ZHX3: variants seen among roughly 807,000 people sequenced by gnomAD.
The protein encoded by ZHX3 is zinc fingers and homeoboxes 3, also known as zinc fingers and homeoboxes protein 3.
In ZHX3, 20 loss-of-function variants were observed where a neutral mutation model predicts 64.5. The ratio of observed to expected loss-of-function variants is 0.31; its 90% CI spans 0.22 to 0.45. The LOEUF (loss-of-function observed/expected upper bound fraction) is 0.45, where lower values mean the gene tolerates loss of function less well. Among genes scored for constraint, ZHX3 ranks in the 20% least tolerant of loss-of-function variants. ZHX3 has a pLI of 1.00. For synonymous variants in ZHX3, 423 were observed against 461.6 expected (o/e 0.92, Z 1.07); for missense variants, 1,041 against 1,195.8 (o/e 0.87, Z 1.91).
At chr20:41,295,725 C>G (rs1383519768) in intron 1 of ZHX3, among the ~76,000 whole-genome samples, 1 of 152,012 alleles carries the variant, frequency 6.6e-6, no homozygotes, top group Non-Finnish European at 1.5e-5. Flanking sequence ...GTAGCGGGCA[C>G]CTGTAGTCCC....
At chr20:41,291,459 CGAA>C (rs1568950652) in intron 1 of ZHX3, among the ~76,000 whole-genome samples, 1 of 152,036 alleles carries the variant, frequency 6.6e-6, no homozygotes, top group Non-Finnish European at 1.5e-5. Context: ...TCTCTTCTAA[CGAA>C]GACGCAGTAA....
rs187619527 is a variant in ZHX3 at position 41,219,086 on chromosome 20, C to A, written c.-150-14020G>T. On this transcript the variant is annotated intron_variant, in intron 2 of 3. Transcript: ENST00000683867. The surrounding 1 kb of genome is among the most constrained non-coding windows in gnomAD (Gnocchi z 5.0). ...CTGGGACTACATGTGTCTGCCACCA[C>A]GCCCAGCTAATTTTTTGTATTTTTA... is the stretch of plus-strand genomic sequence containing the variant. Among the ~76,000 whole-genome samples the A allele has an allele frequency of 1.3e-5, 2 of 152,130 alleles. No individual in the cohort carries two copies. The highest frequency in any genetic ancestry group is 3.9e-4 in the East Asian group (2 of 5,164).
At chr20:41,256,475 C>T (rs1600525792) in intron 2 of ZHX3, among the ~76,000 whole-genome samples, 1 of 152,022 alleles carries the variant, frequency 6.6e-6, no homozygotes, top group East Asian at 1.9e-4. Context: ...TTTTTCCCCT[C>T]ATTTTTAGAA....
intron 1 of ZHX3, among the ~76,000 whole-genome samples, chr20:41,309,302 G>C (rs1227969591): frequency 3.9e-5 from 6 of 152,142 alleles, no homozygotes; most frequent in Non-Finnish European, 7.3e-5. Context: ...CAGGCAATAG[G>C]CTTCCAGATG....
chr20:41,298,971 G>A (rs180711142), intron 1 of ZHX3, among the ~76,000 whole-genome samples: 83 of 151,228 alleles, frequency 5.5e-4, no homozygotes, highest in Middle Eastern at 6.8e-3. Context: ...TGTCCCCTAC[G>A]TAAGATGATG....
rs752259008 is a variant in ZHX3, at chr20:41,202,962, G to A, written c.1955C>T (p.Thr652Ile). ...AAACCAGCTATCAATTTCTCGTCGG[G>A]TCATTTTGGTTTCACTTCTCAGGCG... ...LDRLRSETKM[T>I]RREIDSWFSE... The change falls in exon 3 of 4, where the codon ACC becomes ATC. Residue 652 changes from threonine (T) to isoleucine (I), a missense_variant. Around this residue, in one of 4 missense-constraint regions of ZHX3, gnomAD observed 649 missense variants for 739.8 expected, o/e 0.88. Coordinates refer to ENST00000683867, the MANE Select transcript of ZHX3 (RefSeq NM_001384317.1). The surrounding 1 kb of genome is among the most constrained non-coding windows in gnomAD (Gnocchi z 7.0). 4 of 1,614,058 alleles carry A rather than the reference G, an allele frequency of 2.5e-6. No individual in the cohort carries two copies. Among genetic ancestry groups the A allele is most frequent in the Non-Finnish European group, 3.4e-6 (4 of 1,180,022 alleles).
Position 41,204,072 on chromosome 20 carries a change from G to T in ZHX3, c.845C>A (p.Ala282Asp). 1.2e-6 allele frequency: 2 copies of T among 1,611,814 alleles called. No individual in the cohort carries two copies. The highest frequency in any genetic ancestry group is 1.7e-6 in the Non-Finnish European group (2 of 1,178,680). The change falls in exon 3 of 4, where the codon GCC becomes GAC. Residue 282 changes from alanine to aspartate, a missense_variant. Around this residue, in one of 4 missense-constraint regions of ZHX3, gnomAD observed 358 missense variants for 369.1 expected, o/e 0.97. Coordinates refer to ENST00000683867, the MANE Select transcript of ZHX3 (RefSeq NM_001384317.1). This position sits in a 1 kb window ranked among gnomAD's most constrained non-coding sequence, Gnocchi z 6.6. The stretch of plus-strand genomic sequence containing the variant: ...CAGTGGCTGGTGGACATGGTGTTGG[G>T]CATGCACTGGGGGCTGCTGCTGGAG... ...LSLQQQPPVH[A>D]QHHVHQPLPT... is the part of the protein sequence containing the mutation.
chr20:41,185,303 G>A lies in ZHX3; in HGVS notation c.2861-102C>T. Reference sequence around the variant, plus strand: ...ACCAGGGTGGCATCACTGGCTTTGAGGACCTCTTAATTCCATGAGCAATGA... The same window carrying A: ...ACCAGGGTGGCATCACTGGCTTTGAAGACCTCTTAATTCCATGAGCAATGA... On this transcript the variant is annotated intron_variant, in intron 3 of 3. Transcript: ENST00000683867. This position sits in a 1 kb window ranked among gnomAD's most constrained non-coding sequence, Gnocchi z 5.0. 1 of 1,372,042 alleles carries A rather than the reference G, an allele frequency of 7.3e-7. No homozygotes were observed. Among genetic ancestry groups the A allele is most frequent in the Non-Finnish European group, 9.9e-7 (1 of 1,013,546 alleles). The allele number at this position is 1,372,042 out of a possible 1,614,324, so 85.0% of individuals were successfully genotyped here.
Position 41,212,581 on chromosome 20 carries a change from A to T in ZHX3, c.-150-7515T>A, listed in dbSNP as rs374390858. Reference sequence around the variant, plus strand: ...GGGAGGCCAAGGCGGGCGGATCACCAGAGGTCAGGAGTTCAAGATCAGCCT... The same window carrying T: ...GGGAGGCCAAGGCGGGCGGATCACCTGAGGTCAGGAGTTCAAGATCAGCCT... On this transcript the variant is annotated intron_variant, in intron 2 of 3. Transcript: ENST00000683867. The surrounding 1 kb of genome is among the most constrained non-coding windows in gnomAD (Gnocchi z 4.3). 5.0e-4 allele frequency among the ~76,000 whole-genome samples: 76 copies of T among 152,172 alleles called. 1 individual carries two copies. Among genetic ancestry groups the T allele is most frequent in the East Asian group, 4.8e-3 (25 of 5,180 alleles).
At position 41,226,216 on chromosome 20, in the gene ZHX3, T is replaced by C. The variant is rs1443301093; in HGVS notation, c.-150-21150A>G. ...ATCGAAACCATTTTGGCTAACATGG[T>C]GAAACCCCATCTCTACTAAAAATAC... is the stretch of plus-strand genomic sequence containing the variant. On this transcript the variant is annotated intron_variant, in intron 2 of 3. Transcript: ENST00000683867. The surrounding 1 kb of genome is among the most constrained non-coding windows in gnomAD (Gnocchi z 4.4). 9.9e-5 allele frequency among the ~76,000 whole-genome samples: 15 copies of C among 151,998 alleles called. No homozygotes were observed. Among genetic ancestry groups the C allele is most frequent in the African/African-American group, 3.6e-4 (15 of 41,370 alleles).
At chr20:41,309,550 A>C (rs2146834803) in intron 1 of ZHX3, among the ~76,000 whole-genome samples, 1 of 152,258 alleles carries the variant, frequency 6.6e-6, no homozygotes, top group Non-Finnish European at 1.5e-5. Context: ...TTGAATTGGG[A>C]TTCCTTCAGA....
chr20:41,276,825 T>G (rs2043406052), intron 1 of ZHX3, among the ~76,000 whole-genome samples: 1 of 152,224 alleles, frequency 6.6e-6, no homozygotes, highest in African/African-American at 2.4e-5. Flanking sequence ...TATCCTCAAT[T>G]TTTAAATAGC....
chr20:41,208,642 C>T lies in ZHX3; in HGVS notation c.-150-3576G>A, dbSNP rs2038917964. Among the ~76,000 whole-genome samples the T allele has an allele frequency of 3.9e-5, 6 of 152,216 alleles. No homozygotes were observed. In the South Asian group the frequency reaches 1.2e-3, roughly 32 times the overall value. On this transcript the variant is annotated intron_variant, in intron 2 of 3. Coordinates refer to ENST00000683867, the MANE Select transcript of ZHX3 (RefSeq NM_001384317.1). ...AAAGGCCTTTGACAAAATTCAACAG[C>T]CCTTCATGCTAAAAACTCTCAATAA... is the stretch of plus-strand genomic sequence containing the variant.
At chr20:41,189,913 G>T (rs2036859041) in intron 3 of ZHX3, among the ~76,000 whole-genome samples, 1 of 152,176 alleles carries the variant, frequency 6.6e-6, no homozygotes, top group Non-Finnish European at 1.5e-5. Flanking sequence ...GTTTTCAGAA[G>T]AAGGATTTTC....
chr20:41,240,151 C>T (rs1332513462), intron 2 of ZHX3, among the ~76,000 whole-genome samples: 1 of 152,198 alleles, frequency 6.6e-6, no homozygotes, highest in African/African-American at 2.4e-5. Flanking sequence ...TGCATGCCAC[C>T]ATGCCAGGCT....
At chr20:41,275,386 T>C (rs557378672) in intron 1 of ZHX3, among the ~76,000 whole-genome samples, 2 of 152,226 alleles carry the variant, frequency 1.3e-5, no homozygotes, top group African/African-American at 4.8e-5. Flanking sequence ...TCTGAGTCAA[T>C]GTTTATTTTT....
chr20:41,257,656 G>A (rs2042330528), intron 2 of ZHX3, among the ~76,000 whole-genome samples: 1 of 147,640 alleles, frequency 6.8e-6, no homozygotes, highest in Non-Finnish European at 1.5e-5. Context: ...CTGTTGCCCA[G>A]GCTGCAGTGC....
At chr20:41,221,859 A>T (rs1289302690) in intron 2 of ZHX3, among the ~76,000 whole-genome samples, 1 of 152,250 alleles carries the variant, frequency 6.6e-6, no homozygotes, top group Non-Finnish European at 1.5e-5. Flanking sequence ...AAGAACAGCA[A>T]GGAGGCCAGC....
rs186129681 is a variant in ZHX3 at position 41,273,244 on chromosome 20, T to A, written c.-244-4161A>T. Among the ~76,000 whole-genome samples, 32 of 152,272 alleles carry A rather than the reference T, an allele frequency of 2.1e-4. No individual in the cohort carries two copies. In the East Asian group the frequency reaches 5.6e-3, roughly 27 times the overall value. ...TTGGGTTATCTTTTCTGTTGTTCAG[T>A]TGTTAAGAGTTTTTCGTTTTGTTTT... is the stretch of plus-strand genomic sequence containing the variant. On this transcript the variant is annotated intron_variant, in intron 1 of 3. Coordinates refer to ENST00000683867, the MANE Select transcript of ZHX3 (RefSeq NM_001384317.1).
Sources: allele counts gnomAD v4.1 joint callset (sites outside exome capture counted in the v4.1 genomes callset), GRCh38; gene constraint gnomAD v4.1.1; regional missense constraint gnomAD v4.1.1; non-coding constraint Gnocchi (gnomAD v3.1); transcripts MANE v1.5; gene names NCBI Gene and HGNC (gene_info 2026-07-23, HGNC 2026-07-21).